The following ABCB8 variants were observed in gnomAD, a reference collection of about 807,000 sequenced individuals.
ABCB8 encodes ATP binding cassette subfamily B member 8.
A neutral mutation model predicts 73.0 loss-of-function variants in ABCB8; 52 were observed. The ratio of observed to expected loss-of-function variants is 0.71; its 90% CI spans 0.57 to 0.90. The LOEUF (loss-of-function observed/expected upper bound fraction) is 0.90, where lower values mean the gene tolerates loss of function less well. Ranked by LOEUF, ABCB8 falls within the 40% of genes least tolerant of loss-of-function variation. The pLI, the probability that ABCB8 is intolerant of heterozygous loss-of-function variation, is 0.00. For missense variants in ABCB8, 909 were observed against 974.6 expected (o/e 0.93, Z 0.90); for synonymous variants, 428 against 423.5 (o/e 1.01, Z -0.13).
In ABCB8 at chr7:151,042,161, T is replaced by A. The variant is rs371824665; in HGVS notation, c.1765+53T>A. 138 of 1,602,684 alleles carry A rather than the reference T, an allele frequency of 8.6e-5. 1 individual carries two copies. The East Asian group carries it at 1.6e-3, about 18-fold the overall frequency. ...GGTGGTGAGGCACTGGGACACAGGA[T>A]TCCACAGGAGCAGTGAGCAGCCCAG... is the stretch of plus-strand genomic sequence containing the variant. On this transcript the variant is annotated intron_variant, in intron 14 of 15. Coordinates refer to ENST00000358849, the MANE Select transcript of ABCB8 (RefSeq NM_007188.5).
At chr7:151,043,609 A>T (rs1330345297) in intron 14 of ABCB8, among the ~76,000 whole-genome samples, 1 of 140,514 alleles carries the variant, frequency 7.1e-6, no homozygotes, top group Non-Finnish European at 1.5e-5. Flanking sequence ...CAGAGGCAGG[A>T]CTAGGGTGCA....
intron 14 of ABCB8, 84 bp from the exon 15 acceptor site, chr7:151,043,887 G>A: frequency 6.4e-7 from 1 of 1,563,880 alleles, no homozygotes; most frequent in Non-Finnish European, 8.7e-7. Flanking sequence ...ATCTTGATGG[G>A]CGTTCAGGAA....
At position 151,042,045 on chromosome 7, in the gene ABCB8, G is replaced by T. The variant is rs889958098; in HGVS notation, c.1702G>T (p.Ala568Ser). 7 of 1,613,010 alleles carry T rather than the reference G, an allele frequency of 4.3e-6. No individual in the cohort carries two copies. Among genetic ancestry groups the T allele is most frequent in the Non-Finnish European group, 5.9e-6 (7 of 1,180,004 alleles). ...EASDEEVYTA[A>S]REANAHEFIT... Reference sequence around the variant, plus strand: ...TTCCGATGAAGAGGTGTACACAGCCGCCCGGGAAGCGAATGCTCACGAGTT... The same window carrying T: ...TTCCGATGAAGAGGTGTACACAGCCTCCCGGGAAGCGAATGCTCACGAGTT... Residue 568 changes from alanine (A) to serine (S), a missense_variant, in exon 14 of 16, where the codon GCC becomes TCC. Transcript: ENST00000358849.
At chr7:151,031,534 ATCTAGATCT>A (rs1275774428) in intron 1 of ABCB8, 4 of 439,148 alleles carry the variant, frequency 9.1e-6, no homozygotes, top group Non-Finnish European at 1.6e-5. Flanking sequence ...CAGTAAGCTT[ATCTAGATCT>A]TCTAGATCTC....
intron 5 of ABCB8, 57 bp downstream of exon 5, chr7:151,034,886 AC>A: frequency 1.3e-6 from 2 of 1,505,204 alleles, no homozygotes; most frequent in South Asian, 1.2e-5. Flanking sequence ...ATGTGGATTC[AC>A]CAGGCCAGCC....
intron 1 of ABCB8, 116 bp downstream of exon 1, chr7:151,028,726 A>G (rs1164690616): frequency 2.4e-5 from 37 of 1,542,242 alleles, no homozygotes; most frequent in Non-Finnish European, 2.8e-5. Flanking sequence ...GCTGTAGGCC[A>G]GGCCTACCGG....
At chr7:151,040,144 G>A (rs1796415376) in intron 9 of ABCB8, 124 bp from the exon 10 acceptor site, 3 of 1,099,466 alleles carry the variant, frequency 2.7e-6, no homozygotes, top group East Asian at 2.4e-5. Flanking sequence ...TGGTGCAGGA[G>A]CAGTCTCTGC....
chr7:151,031,169 A>G, intron 1 of ABCB8: 1 of 971,974 alleles, frequency 1.0e-6, no homozygotes, highest in Admixed American at 2.1e-5. Context: ...ACAAGCATAA[A>G]CATTTGCGGA....
In ABCB8 at chr7:151,044,121, G is replaced by C; in HGVS notation, c.1916G>C (p.Arg639Pro). The change falls in exon 15 of 16, where the codon CGG (arginine) becomes CCG (proline). Residue 639 changes from arginine (R) to proline (P), a missense_variant. Physicochemically the swap from Arg to Pro is moderately radical, Grantham distance 103 (BLOSUM62 -2). Coordinates refer to ENST00000358849, the MANE Select transcript of ABCB8 (RefSeq NM_007188.5). ...CGGGTTGTACAGGAGGCCCTGGACC[G>C]GGCCAGTGCAGGCCGCACGGTGCTG... ...SERVVQEALD[R>P]ASAGRTVLVI... The C allele has an allele frequency of 1.2e-6, 2 of 1,613,946 alleles. No individual in the cohort carries two copies. Among genetic ancestry groups the C allele is most frequent in the Middle Eastern group, 1.7e-4 (1 of 6,060 alleles).
chr7:151,036,028 G>A (rs76225344), intron 7 of ABCB8, 45 bp from the exon 8 acceptor site: 86,111 of 1,612,614 alleles, frequency 0.053, 2,521 homozygotes, highest in Non-Finnish European at 0.061. Flanking sequence ...CCAACCCTTC[G>A]TGCCAGCCCA....
intron 14 of ABCB8, among the ~76,000 whole-genome samples, chr7:151,042,993 C>T (rs1254238426): frequency 1.3e-5 from 2 of 152,208 alleles, no homozygotes; most frequent in Non-Finnish European, 2.9e-5. Context: ...CTTGGGGCTG[C>T]GTCCTTACTG....
chr7:151,037,643 C>T, intron 9 of ABCB8: 1 of 368,416 alleles, frequency 2.7e-6, no homozygotes. Flanking sequence ...CCACCCCATC[C>T]CTCCCCCCAC....
At chr7:151,028,807 C>T in intron 1 of ABCB8, 197 bp downstream of exon 1, 1 of 1,553,340 alleles carries the variant, frequency 6.4e-7, no homozygotes, top group Non-Finnish European at 8.7e-7. Context: ...GCAGGAGGCT[C>T]CTGCGTCTGC....
rs1446413343 is a variant in ABCB8 at position 151,028,923 on chromosome 7, AT to A, written c.95+316del. ...TCCTGGCCCTGGAGGTGATTGCGCG[AT>A]TTGGACGAAAATTCTTATTAGTATG... On this transcript the variant is annotated intron_variant, in intron 1 of 15. Transcript: ENST00000358849. The A allele has an allele frequency of 2.2e-6, 3 of 1,385,830 alleles. No homozygotes were observed. In the African/African-American group the frequency reaches 4.3e-5, roughly 20 times the overall value. The allele number at this position is 1,385,830 out of a possible 1,614,324, so 85.8% of individuals were successfully genotyped here.
intron 1 of ABCB8, chr7:151,028,885 C>G (rs11769256): frequency 3.3e-6 from 5 of 1,498,044 alleles, no homozygotes; most frequent in Admixed American, 1.8e-5. Context: ...CACTCCCGAC[C>G]GGGGGTCCCC....
chr7:151,034,552 G>A lies in ABCB8; in HGVS notation c.612G>A (p.Glu204=). ...TGGTGCTGCTGTCCCACGTTGGCGAGCGCATGGCTGTGGACATGCGGAGGG... is the reference window on the plus strand; with the variant it reads ...TGGTGCTGCTGTCCCACGTTGGCGAACGCATGGCTGTGGACATGCGGAGGG... ...GYLVLLSHVG[E]RMAVDMRRAL... The change falls in exon 4 of 16, where the codon GAG becomes GAA. Residue 204 remains glutamate (E), a synonymous_variant. Transcript: ENST00000358849. 1.9e-6 allele frequency: 3 copies of A among 1,613,564 alleles called. No individual in the cohort carries two copies. Among genetic ancestry groups the A allele is most frequent in the Non-Finnish European group, 2.5e-6 (3 of 1,180,014 alleles).
intron 10 of ABCB8, 36 bp from the exon 11 acceptor site, chr7:151,040,459 ACTC>A (rs765956596): frequency 1.3e-6 from 2 of 1,591,646 alleles, no homozygotes; most frequent in Admixed American, 1.7e-5. Flanking sequence ...TGTCACCCCT[ACTC>A]CTGCCTCCCT....
intron 9 of ABCB8, chr7:151,037,493 C>T: frequency 1.6e-6 from 1 of 606,120 alleles, no homozygotes; most frequent in Non-Finnish European, 3.0e-6. Context: ...CAAGGCGGGC[C>T]TCCCCCCTCC....
chr7:151,033,969 G>A lies in ABCB8; in HGVS notation c.408+52G>A, dbSNP rs1796234859. 6.6e-6 allele frequency: 10 copies of A among 1,512,814 alleles called. No individual in the cohort carries two copies. In the African/African-American group the frequency reaches 1.1e-4, roughly 17 times the overall value. The allele number at this position is 1,512,814 out of a possible 1,614,324, so 93.7% of individuals were successfully genotyped here. A position where few individuals can be genotyped will look rare whatever the true frequency, so the allele number is the denominator to read the frequency against. On this transcript the variant is annotated intron_variant, in intron 2 of 15. Coordinates refer to ENST00000358849, the MANE Select transcript of ABCB8 (RefSeq NM_007188.5). ...TGGGGACAGGGCAGGACCCAGAGCT[G>A]CAAAGGGATGGCATTCCTGCCTCGC...
Sources: gnomAD v4.1 joint callset for allele counts (sites outside exome capture counted in the v4.1 genomes callset) on GRCh38, gnomAD v4.1.1 for gene constraint, MANE v1.5 for transcripts, NCBI Gene and HGNC (gene_info 2026-07-23, HGNC 2026-07-21) for gene names.